ZNF385D: variants seen among roughly 807,000 people sequenced by gnomAD.
ZNF385D encodes zinc finger protein 385D, also known as zinc finger protein 659.
Under a neutral mutation model 35.8 loss-of-function variants are expected in ZNF385D, and 15 were observed. That is an observed-to-expected ratio of 0.42 (90% CI 0.28 to 0.64). The LOEUF (loss-of-function observed/expected upper bound fraction) is 0.64. Ranked by LOEUF, ZNF385D falls within the 30% of genes least tolerant of loss-of-function variation. ZNF385D has a pLI of 0.23. For synonymous variants in ZNF385D, 212 were observed against 186.8 expected, an observed-to-expected ratio of 1.13 and a Z score of -1.10; for missense variants, 474 against 494.6, an observed-to-expected ratio of 0.96 and a Z score of 0.39.
In ZNF385D at chr3:21,942,053, G is replaced by A. The variant is rs190697837; in HGVS notation, c.325+226764C>T. Among the ~76,000 whole-genome samples, 374 of 152,136 alleles carry A rather than the reference G, an allele frequency of 2.5e-3. 1 individual carries two copies. The highest frequency in any genetic ancestry group is 8.6e-3 in the African/African-American group (356 of 41,502). Reference sequence around the variant, plus strand: ...GAAAATATATACAACATACACATGTGTATTGTCAAATGTATATGTTATAGC... The same window carrying A: ...GAAAATATATACAACATACACATGTATATTGTCAAATGTATATGTTATAGC... On this transcript the variant is annotated intron_variant, in intron 3 of 5. Coordinates refer to the ZNF385D transcript ENST00000494108.
chr3:22,143,169 G>A (rs1227196365), intron 3 of ZNF385D, among the ~76,000 whole-genome samples: 2 of 148,054 alleles, frequency 1.4e-5, no homozygotes, highest in African/African-American at 2.5e-5. Context: ...TCTAAGCTCC[G>A]CCTCCCAAGT....
intron 4 of ZNF385D, among the ~76,000 whole-genome samples, chr3:21,483,285 T>G (rs1704772673): frequency 6.6e-6 from 1 of 152,184 alleles, no homozygotes; most frequent in African/African-American, 2.4e-5. Flanking sequence ...ATAATGTCCT[T>G]GAGATCTATC....
intron 2 of ZNF385D, among the ~76,000 whole-genome samples, chr3:22,316,099 C>T (rs993368135): frequency 6.6e-6 from 1 of 152,142 alleles, no homozygotes; most frequent in African/African-American, 2.4e-5. Context: ...ATCTGTGACT[C>T]ATAACTCAAT....
intron 1 of ZNF385D, among the ~76,000 whole-genome samples, chr3:21,710,173 T>G (rs2068048438): frequency 6.6e-6 from 1 of 151,804 alleles, no homozygotes; most frequent in African/African-American, 2.4e-5. Flanking sequence ...CATGAAGGAG[T>G]TTGGGGGAGA....
At chr3:22,362,445 G>C (rs995452458) in intron 2 of ZNF385D, among the ~76,000 whole-genome samples, 4 of 152,004 alleles carry the variant, frequency 2.6e-5, no homozygotes, top group African/African-American at 9.7e-5. Flanking sequence ...ATTTTCTAAG[G>C]TCAAACTCTT....
chr3:21,760,687 G>C (rs1039638224), intron 3 of ZNF385D, among the ~76,000 whole-genome samples: 2 of 152,120 alleles, frequency 1.3e-5, no homozygotes, highest in Non-Finnish European at 2.9e-5. Context: ...GCACTATCAA[G>C]AGCAGTACTG....
chr3:22,212,563 C>T lies in ZNF385D; in HGVS notation c.107-43528G>A, dbSNP rs534628065. ...TCTCTAAAATGTCAGGTTTTATTCC[C>T]TCATCATTAAACAAATCAAGCTTAA... On this transcript the variant is annotated intron_variant, in intron 2 of 5. Transcript: ENST00000494108. Among the ~76,000 whole-genome samples, 18 of 151,974 alleles carry T rather than the reference C, an allele frequency of 1.2e-4. No individual in the cohort carries two copies. The South Asian group carries it at 3.7e-3, about 32-fold the overall frequency.
intron 3 of ZNF385D, among the ~76,000 whole-genome samples, chr3:21,898,313 C>G (rs1699237925): frequency 6.6e-6 from 1 of 152,166 alleles, no homozygotes; most frequent in Non-Finnish European, 1.5e-5. Flanking sequence ...AATGGCTCTA[C>G]TCTATACTAA....
chr3:21,741,126 G>A lies in ZNF385D; in HGVS notation c.22+9769C>T, dbSNP rs150772401. On this transcript the variant is annotated intron_variant, in intron 1 of 7. Transcript: ENST00000281523. ...GCCACATCACCTGTTATCACCTATC[G>A]GCATCAGGGCTGTTCACAAAGGGAA... is the stretch of plus-strand genomic sequence containing the variant. Among the ~76,000 whole-genome samples the A allele has an allele frequency of 4.3e-3, 652 of 152,094 alleles. 4 individuals carry two copies. Among genetic ancestry groups the A allele is most frequent in the African/African-American group, 0.015 (623 of 41,492 alleles).
chr3:21,499,634 G>A (rs1706215581), intron 4 of ZNF385D, among the ~76,000 whole-genome samples: 1 of 150,680 alleles, frequency 6.6e-6, no homozygotes, highest in South Asian at 2.1e-4. Flanking sequence ...CTAATAAAAG[G>A]GTTTTTAATT....
intron 3 of ZNF385D, among the ~76,000 whole-genome samples, chr3:22,067,461 T>C (rs1053388605): frequency 6.6e-6 from 1 of 152,188 alleles, no homozygotes; most frequent in African/African-American, 2.4e-5. Context: ...TAGATTTGTA[T>C]AATATAGTTT....
chr3:22,221,727 T>A (rs946745450), intron 2 of ZNF385D, among the ~76,000 whole-genome samples: 1 of 152,194 alleles, frequency 6.6e-6, no homozygotes, highest in African/African-American at 2.4e-5. Flanking sequence ...TGACAAAAAC[T>A]AAATTACAGA....
At chr3:21,757,027 A>T (rs983039040) in intron 3 of ZNF385D, among the ~76,000 whole-genome samples, 1 of 151,986 alleles carries the variant, frequency 6.6e-6, no homozygotes, top group Non-Finnish European at 1.5e-5. Flanking sequence ...AGAAAAAAGT[A>T]CTAACATTGT....
At chr3:22,312,102 T>C (rs35721415) in intron 2 of ZNF385D, among the ~76,000 whole-genome samples, 26,493 of 152,066 alleles carry the variant, frequency 0.17, 2,571 homozygotes, top group South Asian at 0.28. Context: ...TCGGGCAAAA[T>C]TGCCTAAGTT....
intron 2 of ZNF385D, among the ~76,000 whole-genome samples, chr3:22,203,753 A>T (rs919174166): frequency 6.6e-6 from 1 of 152,086 alleles, no homozygotes; most frequent in Non-Finnish European, 1.5e-5. Flanking sequence ...TCTGCCAGGG[A>T]AAGGAAAGAG....
chr3:22,291,478 T>C (rs1483891847), intron 2 of ZNF385D, among the ~76,000 whole-genome samples: 2 of 152,036 alleles, frequency 1.3e-5, no homozygotes, highest in Non-Finnish European at 2.9e-5. Flanking sequence ...TATCCTACCA[T>C]ATACAAATAT....
Position 21,468,683 on chromosome 3 carries a change from T to G in ZNF385D, c.440-31480A>C, listed in dbSNP as rs920500292. On this transcript the variant is annotated intron_variant, in intron 4 of 7. Coordinates refer to ENST00000281523, the MANE Select transcript of ZNF385D (RefSeq NM_024697.3). ...GCTCACGCCTGTAATCCCAGCACTT[T>G]GGGAGTCCGAGGCAGGCGGATCACG... Among the ~76,000 whole-genome samples the G allele has an allele frequency of 4.6e-5, 7 of 152,128 alleles. 1 individual carries two copies. Among genetic ancestry groups the G allele is most frequent in the Non-Finnish European group, 1.0e-4 (7 of 68,016 alleles).
chr3:22,274,647 T>C (rs1203692738), intron 2 of ZNF385D, among the ~76,000 whole-genome samples: 2 of 134,228 alleles, frequency 1.5e-5, no homozygotes, highest in Non-Finnish European at 3.1e-5. Context: ...AATATTTCTA[T>C]TTGTTCATTT....
chr3:22,330,949 G>T (rs1275436552), intron 2 of ZNF385D, among the ~76,000 whole-genome samples: 1 of 151,998 alleles, frequency 6.6e-6, no homozygotes, highest in Non-Finnish European at 1.5e-5. Context: ...GTCTTTCTGG[G>T]GTATGGCTAT....
Sources: gnomAD v4.1 joint callset for allele counts (sites outside exome capture counted in the v4.1 genomes callset) on GRCh38, gnomAD v4.1.1 for gene constraint, MANE v1.5 for transcripts, NCBI Gene and HGNC (gene_info 2026-07-23, HGNC 2026-07-21) for gene names.